KIAA1671: variants seen among roughly 807,000 people sequenced by gnomAD.
KIAA1671 encodes KIAA1671, also known as uncharacterized protein KIAA1671.
Under a neutral mutation model 131.2 loss-of-function variants are expected in KIAA1671, and 52 were observed. The ratio of observed to expected loss-of-function variants is 0.40; its 90% confidence interval spans 0.32 to 0.50. The LOEUF (loss-of-function observed/expected upper bound fraction) is 0.50, where lower values mean the gene tolerates loss of function less well. Among genes scored for constraint, KIAA1671 ranks in the 20% least tolerant of loss-of-function variants. KIAA1671 has a pLI of 0.73. For synonymous variants in KIAA1671, 1,003 were observed against 961.6 expected, an observed-to-expected ratio of 1.04 and a Z score of -0.80; for missense variants, 2,360 against 2,364.2, an observed-to-expected ratio of 1.00 and a Z score of 0.04.
chr22:24,991,044 G>A (rs1923814315), intron 1 of KIAA1671, among the ~76,000 whole-genome samples: 1 of 151,998 alleles, frequency 6.6e-6, no homozygotes, highest in South Asian at 2.1e-4. Context: ...TTTTTTTGAG[G>A]AGTCTCACTC....
intron 6 of KIAA1671, among the ~76,000 whole-genome samples, chr22:25,065,679 G>A (rs1163556035): frequency 1.1e-4 from 16 of 149,878 alleles, no homozygotes; most frequent in Admixed American, 4.0e-4. Context: ...CTCGCTCGTC[G>A]CCCAGGCTGG....
At chr22:24,960,546 CAAAAAAA>C (rs56207857) in intron 1 of KIAA1671, among the ~76,000 whole-genome samples, 3 of 80,010 alleles carry the variant, frequency 3.7e-5, no homozygotes, top group Admixed American at 2.7e-4. Flanking sequence ...GACTCCGTCT[CAAAAAAA>C]AAAAAAAAAA....
rs576021013 is a variant in KIAA1671 at position 25,173,069 on chromosome 22, G to T, written c.4650-1171G>T. On this transcript the variant is annotated intron_variant, in intron 7 of 12. Transcript: ENST00000358431. ...GAAGCCTCAGGAAACTTACAATCAT[G>T]GCGGAAGGTGAAGGGGAAGCAAGGC... Among the ~76,000 whole-genome samples the T allele has an allele frequency of 1.3e-3, 194 of 152,306 alleles. 3 individuals are homozygous for T. In the South Asian group the frequency reaches 0.032, roughly 25 times the overall value.
Position 25,028,462 on chromosome 22 carries a change from G to A in KIAA1671, c.463G>A (p.Ala155Thr), listed in dbSNP as rs367983522. ...ILFETTKSGP[A>T]LGKAVSEGAE... Reference sequence around the variant, plus strand: ...CTTCGAAACCACCAAAAGCGGCCCCGCTCTGGGGAAGGCGGTTAGTGAGGG... The same window carrying A: ...CTTCGAAACCACCAAAAGCGGCCCCACTCTGGGGAAGGCGGTTAGTGAGGG... Residue 155 changes from alanine (A) to threonine (T), a missense_variant, in exon 3 of 13, where the codon GCT becomes ACT. Transcript: ENST00000358431. 128 of 1,550,346 alleles carry A rather than the reference G, an allele frequency of 8.3e-5. No individual in the cohort carries two copies. In the African/African-American group the frequency reaches 1.4e-3, roughly 17 times the overall value.
chr22:25,165,626 C>T (rs1386721170), intron 6 of KIAA1671, among the ~76,000 whole-genome samples: 1 of 152,166 alleles, frequency 6.6e-6, no homozygotes, highest in Non-Finnish European at 1.5e-5. Flanking sequence ...TTCAAATAGT[C>T]ATAAGTGGCT....
rs1926873871 is a variant in KIAA1671 at position 25,040,742 on chromosome 22, G to C, written c.3612G>C (p.Leu1204=). 6.4e-7 allele frequency: 1 copy of C among 1,551,820 alleles called. No individual in the cohort carries two copies. Among genetic ancestry groups the C allele is most frequent in the Non-Finnish European group, 8.7e-7 (1 of 1,147,064 alleles). The change falls in exon 5 of 13, where the codon CTG becomes CTC. Residue 1204 remains leucine, a synonymous_variant. Coordinates refer to ENST00000358431, the MANE Select transcript of KIAA1671 (RefSeq NM_001145206.2). The part of the protein sequence containing the change: ...YRSSVLDIDA[L]MAEYQELSLK... ...CCAGCGTTCTTGACATTGACGCCCT[G>C]ATGGCAGAGTACCAGGAGCTGTCGC... is the stretch of plus-strand genomic sequence containing the variant.
intron 1 of KIAA1671, among the ~76,000 whole-genome samples, chr22:24,975,778 C>T (rs1922881175): frequency 6.6e-6 from 1 of 152,122 alleles, no homozygotes; most frequent in African/African-American, 2.4e-5. Flanking sequence ...GGAATTGACT[C>T]CACCAAGGAA....
Position 25,028,424 on chromosome 22 carries a change from G to A in KIAA1671, c.425G>A (p.Ser142Asn), listed in dbSNP as rs73395693. Residue 142 changes from serine (S) to asparagine (N), a missense_variant, in exon 3 of 13, where the codon AGC becomes AAC. By Grantham distance (46) the Ser-to-Asn change is conservative (BLOSUM62 1). This residue lies in a region of KIAA1671 where 1,185 missense variants were observed against 1,126.2 expected (regional missense o/e 1.05). Coordinates refer to ENST00000358431, the MANE Select transcript of KIAA1671 (RefSeq NM_001145206.2). ...NKAVFLRPSS[S>N]TMILFETTKS... is the part of the protein sequence containing the mutation. The stretch of plus-strand genomic sequence containing the variant: ...GCTGTGTTCCTGCGGCCCAGCTCCA[G>A]CACCATGATTCTCTTCGAAACCACC... 0.01 allele frequency: 16,015 copies of A among 1,550,988 alleles called. 327 individuals are homozygous for A. The highest frequency in any genetic ancestry group is 0.062 in the South Asian group (5,209 of 83,974).
At chr22:25,016,668 T>A (rs1280464858) in intron 1 of KIAA1671, among the ~76,000 whole-genome samples, 1 of 152,188 alleles carries the variant, frequency 6.6e-6, no homozygotes, top group Non-Finnish European at 1.5e-5. Context: ...AGATTAGTGG[T>A]TGCCACGGGC....
chr22:25,046,576 C>T (rs1387657422), intron 5 of KIAA1671, among the ~76,000 whole-genome samples: 1 of 152,194 alleles, frequency 6.6e-6, no homozygotes, highest in Non-Finnish European at 1.5e-5. Context: ...TCCAAAAATA[C>T]TTAAAAAACA....
At position 25,177,447 on chromosome 22, in the gene KIAA1671, C is replaced by G; in HGVS notation, c.4999C>G (p.Arg1667Gly). 1.9e-6 allele frequency: 3 copies of G among 1,551,748 alleles called. No homozygotes were observed. The highest frequency in any genetic ancestry group is 2.6e-6 in the Non-Finnish European group (3 of 1,147,016). The change falls in exon 9 of 13, where the codon CGA (arginine) becomes GGA (glycine). Residue 1667 changes from arginine to glycine, a missense_variant. Coordinates refer to ENST00000358431, the MANE Select transcript of KIAA1671 (RefSeq NM_001145206.2). ...APISHSLRRSRFSESESRSPL... is the reference protein window; with the variant it reads ...APISHSLRRSGFSESESRSPL... ...CATCTCCCACTCCCTCCGGCGCAGC[C>G]GATTTAGTGAGTCCGAGAGCAGATC...
intron 6 of KIAA1671, among the ~76,000 whole-genome samples, chr22:25,075,594 C>T (rs191140911): frequency 0.011 from 1,732 of 151,314 alleles, 20 homozygotes; most frequent in Middle Eastern, 0.028. Flanking sequence ...TGGGTTCAAG[C>T]GATTCTCCTG....
intron 6 of KIAA1671, among the ~76,000 whole-genome samples, chr22:25,153,029 G>C (rs1343032569): frequency 6.6e-6 from 1 of 151,920 alleles, no homozygotes; most frequent in Non-Finnish European, 1.5e-5. Context: ...CATGAACCTT[G>C]TTTTCATTTA....
At chr22:24,976,879 G>T (rs1340475736) in intron 1 of KIAA1671, among the ~76,000 whole-genome samples, 24 of 152,182 alleles carry the variant, frequency 1.6e-4, no homozygotes, top group Non-Finnish European at 4.4e-5. Flanking sequence ...TGCCAGTCAG[G>T]ATTCGGACCA....
intron 6 of KIAA1671, among the ~76,000 whole-genome samples, chr22:25,144,007 T>TC (rs1555882727): frequency 5.3e-4 from 77 of 146,512 alleles, no homozygotes; most frequent in African/African-American, 1.5e-3. Context: ...CCCATCTGTA[T>TC]AAAAAAAAAA....
At chr22:25,017,491 C>T (rs969031416) in intron 1 of KIAA1671, among the ~76,000 whole-genome samples, 11 of 152,194 alleles carry the variant, frequency 7.2e-5, no homozygotes, top group African/African-American at 2.4e-4. Context: ...CTGCCCTGAC[C>T]TGTTTTAGCT....
At chr22:25,046,496 C>G (rs1927239740) in intron 5 of KIAA1671, among the ~76,000 whole-genome samples, 1 of 104,588 alleles carries the variant, frequency 9.6e-6, no homozygotes, top group Non-Finnish European at 1.9e-5. Context: ...TTTCCCAGAC[C>G]CAACAGTATT....
chr22:25,093,887 CCTTCTG>C (rs1286154329), intron 6 of KIAA1671, among the ~76,000 whole-genome samples: 37 of 28,310 alleles, frequency 1.3e-3, no homozygotes, highest in African/African-American at 3.2e-3. Flanking sequence ...TCTCTCTCTC[CCTTCTG>C]CTTCTGCTTC....
chr22:24,984,529 C>T (rs1163565660), intron 1 of KIAA1671, among the ~76,000 whole-genome samples: 1 of 152,166 alleles, frequency 6.6e-6, no homozygotes, highest in Non-Finnish European at 1.5e-5. Context: ...AGTCAAGAGA[C>T]GGTTTAGCTA....
Sources: allele counts gnomAD v4.1 joint callset (sites outside exome capture counted in the v4.1 genomes callset), GRCh38; gene constraint gnomAD v4.1.1; regional missense constraint gnomAD v4.1.1; transcripts MANE v1.5; gene names NCBI Gene and HGNC (gene_info 2026-07-23, HGNC 2026-07-21).